ACTN1: variants seen among roughly 807,000 people sequenced by gnomAD.
ACTN1 encodes the protein actinin alpha 1, also known as alpha-actinin-1.
ACTN1 carries 30 observed loss-of-function variants against 119.6 expected under a neutral mutation model. The ratio of observed to expected loss-of-function variants is 0.25; its 90% confidence interval spans 0.19 to 0.34. The LOEUF (loss-of-function observed/expected upper bound fraction) is 0.34. Among genes scored for constraint, ACTN1 ranks in the 10% least tolerant of loss-of-function variants. The probability of loss-of-function intolerance (pLI) is 1.00; values close to 1 mark genes in which losing one functional copy is unlikely to be tolerated. For synonymous variants in ACTN1, 429 were observed against 472.6 expected, an observed-to-expected ratio of 0.91 and a Z score of 1.20; for missense variants, 764 against 1,223.4, an observed-to-expected ratio of 0.62 and a Z score of 5.60.
chr14:68,918,296 T>C (rs1351046521), intron 3 of ACTN1, among the ~76,000 whole-genome samples: 1 of 152,126 alleles, frequency 6.6e-6, no homozygotes, highest in African/African-American at 2.4e-5. Context: ...GATGTGAAAG[T>C]TCTGGCCGGG....
chr14:68,900,952 C>T (rs1278407547), intron 8 of ACTN1: 1 of 152,268 alleles, frequency 6.6e-6, no homozygotes, highest in Non-Finnish European at 1.5e-5. Flanking sequence ...CACATCTGCA[C>T]AGAGAAGGAG....
At chr14:68,950,625 G>C (rs1281786697) in intron 1 of ACTN1, among the ~76,000 whole-genome samples, 1 of 149,266 alleles carries the variant, frequency 6.7e-6, no homozygotes, top group Non-Finnish European at 1.5e-5. Flanking sequence ...GCAGTGGTAT[G>C]ATCTCGGCTC....
chr14:68,890,598 T>A (rs967671578), intron 10 of ACTN1, among the ~76,000 whole-genome samples: 2 of 152,156 alleles, frequency 1.3e-5, no homozygotes, highest in African/African-American at 4.8e-5. Flanking sequence ...AGGACTGGTT[T>A]CCCGCAGGAC....
intron 7 of ACTN1, among the ~76,000 whole-genome samples, chr14:68,902,781 A>G (rs528067642): frequency 1.3e-3 from 203 of 152,330 alleles, no homozygotes; most frequent in Non-Finnish European, 2.2e-3. Flanking sequence ...CAGTATAAGG[A>G]ACTTGCTACA....
chr14:68,885,439 G>A lies in ACTN1; in HGVS notation c.1371C>T (p.Ile457=), dbSNP rs150266512. 184 of 1,612,256 alleles carry A rather than the reference G, an allele frequency of 1.1e-4. No individual in the cohort carries two copies. In the South Asian group the frequency reaches 1.7e-3, roughly 15 times the overall value. Residue 457 remains isoleucine, a synonymous_variant, in exon 12 of 22, where the codon ATC becomes ATT. Coordinates refer to ENST00000394419, the MANE Select transcript of ACTN1 (RefSeq NM_001130004.2). This position sits in a 1 kb window ranked among gnomAD's most constrained non-coding sequence, Gnocchi z 5.6. ...HQDRVEQIAA[I]AQELNELDYY... ...GGGCCACCTACTTGAGCTCCTGTGCGATGGCGGCAATCTGCTCCACACGGT... is the reference window on the plus strand; with the variant it reads ...GGGCCACCTACTTGAGCTCCTGTGCAATGGCGGCAATCTGCTCCACACGGT...
chr14:68,875,123 T>C (rs763107679), intron 21 of ACTN1, 106 bp from the exon 22 acceptor site: 3 of 1,552,888 alleles, frequency 1.9e-6, no homozygotes, highest in Non-Finnish European at 2.6e-6. Flanking sequence ...CATGTGCCGT[T>C]TGCATTTTGC....
Position 68,882,430 on chromosome 14 carries a change from C to A in ACTN1, c.1953+28G>T. 1.2e-6 allele frequency: 2 copies of A among 1,611,772 alleles called. No homozygotes were observed. The highest frequency in any genetic ancestry group is 1.7e-6 in the Non-Finnish European group (2 of 1,178,596). The stretch of plus-strand genomic sequence containing the variant: ...TGTCGGGGGGGAGGGGTGGGAGCCC[C>A]AGCACTGCTTCCCAGCATGGGACCC... On this transcript the variant is annotated intron_variant, in intron 16 of 21. Coordinates refer to ENST00000394419, the MANE Select transcript of ACTN1 (RefSeq NM_001130004.2). This position sits in a 1 kb window ranked among gnomAD's most constrained non-coding sequence, Gnocchi z 4.5.
chr14:68,929,162 T>G (rs149255022), intron 1 of ACTN1, among the ~76,000 whole-genome samples: 4 of 152,170 alleles, frequency 2.6e-5, no homozygotes, highest in Non-Finnish European at 2.9e-5. Context: ...AGTGGCCTTG[T>G]GCACCTCCGC....
At chr14:68,955,472 T>C (rs1294164151) in intron 1 of ACTN1, among the ~76,000 whole-genome samples, 1 of 152,194 alleles carries the variant, frequency 6.6e-6, no homozygotes, top group Non-Finnish European at 1.5e-5. Context: ...AGTCAGAATT[T>C]GGCTCAACTG....
chr14:68,976,347 C>A (rs1052196736), intron 1 of ACTN1, among the ~76,000 whole-genome samples: 4 of 152,178 alleles, frequency 2.6e-5, no homozygotes, highest in African/African-American at 9.7e-5. Flanking sequence ...CCACACAAAC[C>A]CCGCCTCCCA....
chr14:68,896,735 T>C (rs1410145810), intron 8 of ACTN1, among the ~76,000 whole-genome samples: 1 of 152,198 alleles, frequency 6.6e-6, no homozygotes, highest in Non-Finnish European at 1.5e-5. Flanking sequence ...CTTCAGGCTA[T>C]TCCTGAAGAG....
At chr14:68,902,413 G>A in intron 8 of ACTN1, 64 bp downstream of exon 8, 1 of 1,383,268 alleles carries the variant, frequency 7.2e-7, no homozygotes, top group South Asian at 1.2e-5. Flanking sequence ...GCGGGCAGGA[G>A]GACATGGTTT....
intron 1 of ACTN1, among the ~76,000 whole-genome samples, chr14:68,945,977 C>T (rs1295213446): frequency 1.3e-5 from 2 of 152,176 alleles, no homozygotes; most frequent in Non-Finnish European, 2.9e-5. Context: ...GATGAGAAAA[C>T]CGAGGCCAAG....
chr14:68,937,282 A>G (rs1197941421), intron 1 of ACTN1, among the ~76,000 whole-genome samples: 2 of 152,112 alleles, frequency 1.3e-5, no homozygotes, highest in Non-Finnish European at 2.9e-5. Context: ...TATACATTTA[A>G]TTGTTATGTC....
chr14:68,906,576 G>C (rs2033679631), intron 6 of ACTN1, among the ~76,000 whole-genome samples: 1 of 152,180 alleles, frequency 6.6e-6, no homozygotes, highest in Non-Finnish European at 1.5e-5. Context: ...TGGAGCAGCA[G>C]CTGCCAGTGC....
chr14:68,978,048 C>T (rs2037127081), intron 1 of ACTN1: 1 of 456,024 alleles, frequency 2.2e-6, no homozygotes, highest in Non-Finnish European at 4.4e-6. Context: ...TGCCCGGGTC[C>T]CATCGCCAGC....
intron 1 of ACTN1, among the ~76,000 whole-genome samples, chr14:68,930,348 T>C (rs981370776): frequency 1.3e-5 from 2 of 152,220 alleles, no homozygotes; most frequent in Admixed American, 6.5e-5. Flanking sequence ...GTCTGAAATA[T>C]AGTAAGTGTG....
At chr14:68,952,582 G>A (rs966323655) in intron 1 of ACTN1, among the ~76,000 whole-genome samples, 1 of 152,222 alleles carries the variant, frequency 6.6e-6, no homozygotes, top group African/African-American at 2.4e-5. Flanking sequence ...CCTAGTAGGG[G>A]AAAGCGGCAT....
chr14:68,889,072 C>T (rs558709230), intron 11 of ACTN1, among the ~76,000 whole-genome samples: 30 of 152,308 alleles, frequency 2.0e-4, no homozygotes, highest in African/African-American at 7.2e-4. Context: ...TAGGTCTGTC[C>T]CACGCTCCAG....
Sources: gnomAD v4.1 joint callset for allele counts (sites outside exome capture counted in the v4.1 genomes callset) on GRCh38, gnomAD v4.1.1 for gene constraint, Gnocchi (gnomAD v3.1) non-coding constraint, MANE v1.5 for transcripts, NCBI Gene and HGNC (gene_info 2026-07-23, HGNC 2026-07-21) for gene names.